Variants in ADAM32 observed in about 807,000 individuals in gnomAD.
ADAM32 encodes ADAM metallopeptidase domain 32.
In ADAM32, 89 loss-of-function variants were observed where a neutral mutation model predicts 114.9. That is an observed-to-expected ratio of 0.77 (90% CI 0.65 to 0.92). ADAM32 has a LOEUF of 0.92. ADAM32 is among the 40% of genes least tolerant of loss of function. ADAM32 has a pLI of 0.00. For missense variants in ADAM32, 870 were observed against 932.8 expected, an observed-to-expected ratio of 0.93 and a Z score of 0.88; for synonymous variants, 285 against 307.5, an observed-to-expected ratio of 0.93 and a Z score of 0.77.
intron 16 of ADAM32, among the ~76,000 whole-genome samples, chr8:39,237,914 A>G (rs1336922403): frequency 6.6e-6 from 1 of 152,160 alleles, no homozygotes; most frequent in East Asian, 1.9e-4. Context: ...TATTCCCCCT[A>G]TACTACTACA....
At chr8:39,138,848 C>T (rs111581851) in intron 3 of ADAM32, among the ~76,000 whole-genome samples, 1,898 of 152,134 alleles carry the variant, frequency 0.012, 38 homozygotes, top group African/African-American at 0.041. Context: ...GTTTCCTGAC[C>T]GCTTAAAGAT....
chr8:39,229,251 A>T (rs1050138611), intron 14 of ADAM32, among the ~76,000 whole-genome samples: 1 of 152,184 alleles, frequency 6.6e-6, no homozygotes, highest in Admixed American at 6.5e-5. Flanking sequence ...ATCACACAGG[A>T]CCTATAAAAC....
At chr8:39,245,947 C>A in intron 16 of ADAM32, 136 bp from the exon 17 acceptor site, 1 of 654,616 alleles carries the variant, frequency 1.5e-6, no homozygotes, top group Non-Finnish European at 2.7e-6. Flanking sequence ...TTCTGGAATG[C>A]AGCAAAAGCA....
intron 21 of ADAM32, 112 bp downstream of exon 21, chr8:39,274,462 C>A: frequency 1.7e-6 from 2 of 1,182,516 alleles, no homozygotes; most frequent in Non-Finnish European, 2.4e-6. Flanking sequence ...TAAAGCAATG[C>A]ACTAAAATCC....
chr8:39,157,060 T>C (rs1585418632), intron 6 of ADAM32, among the ~76,000 whole-genome samples: 2 of 152,314 alleles, frequency 1.3e-5, no homozygotes, highest in East Asian at 1.9e-4. Context: ...TTTTGTCAGA[T>C]ATAGAATTCT....
At chr8:39,137,225 C>A (rs1588496883) in intron 3 of ADAM32, among the ~76,000 whole-genome samples, 1 of 151,986 alleles carries the variant, frequency 6.6e-6, no homozygotes, top group East Asian at 1.9e-4. Flanking sequence ...GATGCAAGCC[C>A]AGTTGGGAAA....
intron 10 of ADAM32, among the ~76,000 whole-genome samples, chr8:39,171,510 A>AT (rs1214753538): frequency 6.6e-6 from 1 of 152,004 alleles, no homozygotes; most frequent in Non-Finnish European, 1.5e-5. Flanking sequence ...TGCAGCACCT[A>AT]TTTTTATTTC....
chr8:39,144,397 G>A (rs1231992426), intron 3 of ADAM32, among the ~76,000 whole-genome samples: 2 of 152,306 alleles, frequency 1.3e-5, no homozygotes, highest in East Asian at 3.9e-4. Context: ...TGCTGATGTG[G>A]CAGAAAAAAG....
chr8:39,146,095 G>C (rs1294786023), intron 3 of ADAM32, among the ~76,000 whole-genome samples: 1 of 152,178 alleles, frequency 6.6e-6, no homozygotes, highest in East Asian at 1.9e-4. Flanking sequence ...GAGGTCATTA[G>C]TAATTTTTGT....
At chr8:39,130,956 CTTTTTTTT>C in intron 2 of ADAM32, 1 of 328,730 alleles carries the variant, frequency 3.0e-6, no homozygotes, top group Non-Finnish European at 5.6e-6. Flanking sequence ...AGGAGGATGT[CTTTTTTTT>C]TTTTTTTTTT....
In ADAM32 at chr8:39,232,018, CTT is replaced by C; in HGVS notation, c.1526-7_1526-6del. The C allele has an allele frequency of 1.3e-6, 2 of 1,594,450 alleles. No individual in the cohort carries two copies. The highest frequency in any genetic ancestry group is 1.7e-6 in the Non-Finnish European group (2 of 1,166,338). On this transcript the variant is annotated splice_polypyrimidine_tract_variant and splice_region_variant and intron_variant, in intron 14 of 24. Transcript: ENST00000379907. ...CATTTTAATCCAAATGTATTTCTAACTTTAACAGGTTCAAGAAATGCTCCATT... is the reference window on the plus strand; with the variant it reads ...CATTTTAATCCAAATGTATTTCTAACTAACAGGTTCAAGAAATGCTCCATT...
At chr8:39,226,641 A>G (rs1222436975) in intron 14 of ADAM32, among the ~76,000 whole-genome samples, 3 of 152,158 alleles carry the variant, frequency 2.0e-5, no homozygotes, top group African/African-American at 7.2e-5. Context: ...AGAAAAAAAA[A>G]AAGTCAATCA....
chr8:39,108,770 G>A (rs1421297292), intron 1 of ADAM32, among the ~76,000 whole-genome samples: 1 of 152,194 alleles, frequency 6.6e-6, no homozygotes, highest in Non-Finnish European at 1.5e-5. Context: ...AATTACCTCT[G>A]CAGCATAGCA....
At chr8:39,258,017 C>T (rs1037107608) in intron 19 of ADAM32, among the ~76,000 whole-genome samples, 2 of 151,986 alleles carry the variant, frequency 1.3e-5, no homozygotes, top group South Asian at 4.1e-4. Flanking sequence ...TTTTAATACA[C>T]GTGGCATTAT....
intron 24 of ADAM32, among the ~76,000 whole-genome samples, chr8:39,284,306 T>G (rs1199421420): frequency 6.6e-6 from 1 of 152,006 alleles, no homozygotes; most frequent in Admixed American, 6.6e-5. Flanking sequence ...CAGCATAGGC[T>G]ATAATGCTTC....
chr8:39,170,421 A>G (rs1473276718), intron 10 of ADAM32, among the ~76,000 whole-genome samples: 1 of 152,092 alleles, frequency 6.6e-6, no homozygotes, highest in African/African-American at 2.4e-5. Flanking sequence ...AGTAAAATAA[A>G]CTTTTATGTG....
At position 39,136,706 on chromosome 8, in the gene ADAM32, A is replaced by G; in HGVS notation, c.188A>G (p.His63Arg). Residue 63 changes from histidine to arginine, a missense_variant, in exon 3 of 25, where the codon CAC (histidine) becomes CGC (arginine). His to Arg is a conservative substitution (Grantham distance 29, BLOSUM62 0). Coordinates refer to ENST00000379907, the MANE Select transcript of ADAM32 (RefSeq NM_145004.7). ...IPIDEKLYTV[H>R]LKQRYFLADN... ...ATAGATGAGAAACTGTACACTGTGC[A>G]CCTTAAACAAAGGTAAATTTTTATT... 6.6e-7 allele frequency: 1 copy of G among 1,525,226 alleles called. No homozygotes were observed. The highest frequency in any genetic ancestry group is 8.8e-7 in the Non-Finnish European group (1 of 1,130,556). 94.5% of individuals were successfully genotyped at this position (1,525,226 alleles called of 1,614,324 possible).
intron 24 of ADAM32, 131 bp from the exon 25 acceptor site, chr8:39,284,662 A>G: frequency 4.2e-6 from 4 of 959,366 alleles, no homozygotes; most frequent in Non-Finnish European, 6.3e-6. Context: ...CAAAATTGTA[A>G]ACATCCTTTC....
intron 6 of ADAM32, among the ~76,000 whole-genome samples, chr8:39,155,230 A>C (rs1049853924): frequency 1.3e-5 from 2 of 152,256 alleles, no homozygotes; most frequent in African/African-American, 4.8e-5. Context: ...CAGCCAGGGC[A>C]ATCAGACAAG....
Sources: allele counts gnomAD v4.1 joint callset (sites outside exome capture counted in the v4.1 genomes callset), GRCh38; gene constraint gnomAD v4.1.1; transcripts MANE v1.5; gene names NCBI Gene and HGNC (gene_info 2026-07-23, HGNC 2026-07-21).